The following APOB variants were observed in gnomAD, a reference collection of about 807,000 sequenced individuals.
APOB encodes apolipoprotein B-100.
APOB carries 153 observed loss-of-function variants against 314.1 expected under a neutral mutation model. That is an observed-to-expected ratio of 0.49 (90% CI 0.43 to 0.56). The LOEUF is 0.56. APOB is among the 20% of genes least tolerant of loss of function. The probability of loss-of-function intolerance (pLI) is 0.00; values close to 1 mark genes in which losing one functional copy is unlikely to be tolerated. For synonymous variants in APOB, 2,087 were observed against 2,036.4 expected (o/e 1.02, Z -0.67); for missense variants, 5,430 against 5,350.7 (o/e 1.01, Z -0.46).
At chr2:21,034,019 G>A (rs1340748757) in intron 8 of APOB, among the ~76,000 whole-genome samples, 1 of 152,214 alleles carries the variant, frequency 6.6e-6, no homozygotes, top group African/African-American at 2.4e-5. Context: ...GTTACAACTG[G>A]GACCAGGCAC....
At position 21,010,664 on chromosome 2, in the gene APOB, G is replaced by C; in HGVS notation, c.6204C>G (p.Ser2068=). ...VKYDKNQDVH[S]INLPFFETLQ... ...AGGTCTCAAAAAATGGGAGGTTAATGGAGTGAACATCTTGGTTTTTATCAT... is the reference window on the plus strand; with the variant it reads ...AGGTCTCAAAAAATGGGAGGTTAATCGAGTGAACATCTTGGTTTTTATCAT... Residue 2068 remains serine (S), a synonymous_variant, in exon 26 of 29, where the codon TCC becomes TCG. Transcript: ENST00000233242. 1 of 1,614,050 alleles carries C rather than the reference G, an allele frequency of 6.2e-7. No individual in the cohort carries two copies. Among genetic ancestry groups the C allele is most frequent in the Non-Finnish European group, 8.5e-7 (1 of 1,179,998 alleles).
chr2:21,033,993 T>A (rs6719207), intron 8 of APOB, among the ~76,000 whole-genome samples: 5,608 of 152,252 alleles, frequency 0.037, 317 homozygotes, highest in African/African-American at 0.13. Context: ...GGTGAGGAGG[T>A]GCTACTGTTG....
intron 12 of APOB, 78 bp downstream of exon 12, chr2:21,029,561 T>C: frequency 6.7e-7 from 1 of 1,502,942 alleles, no homozygotes; most frequent in South Asian, 1.1e-5. Flanking sequence ...AGATGAAATC[T>C]AGAGTCTCAT....
At position 21,015,410 on chromosome 2, in the gene APOB, A is replaced by G. The variant is rs1663441630; in HGVS notation, c.3468T>C (p.Ala1156=). ...LLLQMDSSAT[A]YGSTVSKRVA... Reference sequence around the variant, plus strand: ...CCCTCTTGGAAACTGTGGAGCCATAAGCTGTAGCAGATGAGTCCATTTGGA... The same window carrying G: ...CCCTCTTGGAAACTGTGGAGCCATAGGCTGTAGCAGATGAGTCCATTTGGA... The change falls in exon 22 of 29, where the codon GCT becomes GCC. Residue 1156 remains alanine, a synonymous_variant. Transcript: ENST00000233242. The G allele has an allele frequency of 1.9e-6, 3 of 1,614,232 alleles. No individual in the cohort carries two copies. The East Asian group carries it at 6.7e-5, about 36-fold the overall frequency.
At position 21,043,882 on chromosome 2, in the gene APOB, GC is replaced by G; in HGVS notation, c.63del (p.Leu22TrpfsTer71). On this transcript the variant is annotated frameshift_variant, in exon 1 of 29. Coordinates refer to ENST00000233242, the MANE Select transcript of APOB (RefSeq NM_000384.3). LOFTEE classifies it high-confidence loss of function. Reference sequence around the variant, plus strand: ...CACTCACCGGCCCTGGCGCCCGCCAGCAGCAGCAGCAGCAGCGCAGGCAGCG... The same window carrying G: ...CACTCACCGGCCCTGGCGCCCGCCAGAGCAGCAGCAGCAGCGCAGGCAGCG... Reference protein sequence around the residue: ...LLALPALLLLLLAGARAEEEM... With the variant: ...LLALPALLLLXLAGARAEEEM... 7.9e-7 allele frequency: 1 copy of G among 1,263,328 alleles called. No homozygotes were observed. Among genetic ancestry groups the G allele is most frequent in the Non-Finnish European group, 1.0e-6 (1 of 957,228 alleles). The allele number at this position is 1,263,328 out of a possible 1,614,324, so 78.3% of individuals were successfully genotyped here. A position where few individuals can be genotyped will look rare whatever the true frequency, so the allele number is the denominator to read the frequency against.
chr2:21,043,109 T>G (rs1664173018), intron 2 of APOB, among the ~76,000 whole-genome samples: 1 of 150,218 alleles, frequency 6.7e-6, no homozygotes, highest in Non-Finnish European at 1.5e-5. Flanking sequence ...GCCAGTTCCT[T>G]TAACCCCCAG....
In APOB at chr2:21,005,781, A is replaced by G. The variant is rs370096275; in HGVS notation, c.11087T>C (p.Ile3696Thr). 41 of 1,613,904 alleles carry G rather than the reference A, an allele frequency of 2.5e-5. No individual in the cohort carries two copies. Among genetic ancestry groups the G allele is most frequent in the Non-Finnish European group, 3.2e-5 (38 of 1,179,980 alleles). The part of the protein sequence containing the change: ...DFLKLDVTTS[I>T]GRRQHLRVST... ...AACACGAAGATGCTGTCTCCTACCA[A>G]TGCTGGTGGTTACATCCAGCTTTAG... Residue 3696 changes from isoleucine (I) to threonine (T), a missense_variant, in exon 26 of 29, where the codon ATT becomes ACT. Physicochemically the swap from Ile to Thr is moderately conservative, Grantham distance 89. Around this residue, in one of 3 missense-constraint regions of APOB, gnomAD observed 3,281 missense variants for 3,171.0 expected, o/e 1.03. Transcript: ENST00000233242.
At position 21,011,355 on chromosome 2, in the gene APOB, T is replaced by G; in HGVS notation, c.5513A>C (p.His1838Pro). The part of the protein sequence containing the change: ...KGAYQNNEIK[H>P]IYAISSAALS... ...GGCAGCAGAAGAGATGGCATAGATG[T>G]GTTTTATTTCATTATTTTGGTAGGC... Residue 1838 changes from histidine (H) to proline (P), a missense_variant, in exon 26 of 29, where the codon CAC becomes CCC. Coordinates refer to ENST00000233242, the MANE Select transcript of APOB (RefSeq NM_000384.3). 2 of 1,614,182 alleles carry G rather than the reference T, an allele frequency of 1.2e-6. No individual in the cohort carries two copies. The highest frequency in any genetic ancestry group is 1.7e-6 in the Non-Finnish European group (2 of 1,180,024).
chr2:21,044,027 G>A lies in APOB; in HGVS notation c.-82C>T, dbSNP rs1255668789. ...TGGCTGGCTGGGCGGGCTCCTCAGC[G>A]GCAGCAACCGAGAAGGGCACTCAGC... On this transcript the variant is annotated 5_prime_UTR_variant, in exon 1 of 29. Transcript: ENST00000233242. 2 of 680,520 alleles carry A rather than the reference G, an allele frequency of 2.9e-6. No homozygotes were observed. The highest frequency in any genetic ancestry group is 4.0e-6 in the Non-Finnish European group (2 of 494,464). 42.2% of individuals were successfully genotyped at this position (680,520 alleles called of 1,614,324 possible). A position where few individuals can be genotyped will look rare whatever the true frequency, so the allele number is the denominator to read the frequency against.
rs1456143187 is a variant in APOB at position 21,016,793 on chromosome 2, G to A, written c.3122-144C>T. The A allele has an allele frequency of 8.9e-5, 61 of 682,956 alleles. No homozygotes were observed. In the East Asian group the frequency reaches 1.7e-3, roughly 19 times the overall value. The allele number at this position is 682,956 out of a possible 1,614,324, so 42.3% of individuals were successfully genotyped here. ...AGGTCAGGAGATCAAGACCATTCTG[G>A]CTAACATGGTGAAACCCCGTCTCTA... On this transcript the variant is annotated intron_variant, in intron 20 of 28. Coordinates refer to ENST00000233242, the MANE Select transcript of APOB (RefSeq NM_000384.3).
Position 21,019,886 on chromosome 2 carries a change from A to G in APOB, c.2836T>C (p.Ser946Pro), listed in dbSNP as rs1319116118. The change falls in exon 19 of 29, where the codon TCT becomes CCT. Residue 946 changes from serine to proline, a missense_variant. Ser to Pro is a moderately conservative substitution (Grantham distance 74, BLOSUM62 -1). Coordinates refer to ENST00000233242, the MANE Select transcript of APOB (RefSeq NM_000384.3). Reference protein sequence around the residue: ...LSGGNTLHLVSTTKTEVIPPL... With the variant: ...LSGGNTLHLVPTTKTEVIPPL... The stretch of plus-strand genomic sequence containing the variant: ...GGGATCACCTCCGTTTTGGTGGTAG[A>G]GACCAAATGTAATGTGTTGCTGGTG... 6.2e-7 allele frequency: 1 copy of G among 1,614,232 alleles called. No individual in the cohort carries two copies. Among genetic ancestry groups the G allele is most frequent in the Admixed American group, 1.7e-5 (1 of 60,030 alleles).
At chr2:21,025,942 A>C (rs1394355273) in intron 15 of APOB, among the ~76,000 whole-genome samples, 1 of 152,218 alleles carries the variant, frequency 6.6e-6, no homozygotes, top group Non-Finnish European at 1.5e-5. Context: ...TCAAAGTGGA[A>C]GTTTGGTCTC....
Position 21,037,152 on chromosome 2 carries a change from C to G in APOB, c.641G>C (p.Arg214Pro). The G allele has an allele frequency of 6.2e-7, 1 of 1,614,182 alleles. No homozygotes were observed. The highest frequency in any genetic ancestry group is 8.5e-7 in the Non-Finnish European group (1 of 1,180,040). ...STERDLGQCDRFKPIRTGISP... is the reference protein window; with the variant it reads ...STERDLGQCDPFKPIRTGISP... ...GATGCCTGTGCGGATGGGCTTGAAGCGATCACACTGCCCCAGGTCTCTTTC... is the reference window on the plus strand; with the variant it reads ...GATGCCTGTGCGGATGGGCTTGAAGGGATCACACTGCCCCAGGTCTCTTTC... The change falls in exon 6 of 29, where the codon CGC (arginine) becomes CCC (proline). Residue 214 changes from arginine to proline, a missense_variant. By Grantham distance (103) the Arg-to-Pro change is moderately radical. Transcript: ENST00000233242.
Position 21,004,626 on chromosome 2 carries a change from T to G in APOB, c.11838A>C (p.Lys3946Asn), listed in dbSNP as rs774219656. ...IEDGTLASKT[K>N]GTFAHRDFSA... The stretch of plus-strand genomic sequence containing the variant: ...TGAAGTCACGGTGTGCAAATGTTCC[T>G]TTAGTCTTAGAGGCTAACGTACCAT... The change falls in exon 27 of 29, where the codon AAA becomes AAC. Residue 3946 changes from lysine to asparagine, a missense_variant. By Grantham distance (94) the Lys-to-Asn change is moderately conservative (BLOSUM62 0). Around this residue, in one of 3 missense-constraint regions of APOB, gnomAD observed 3,281 missense variants for 3,171.0 expected, o/e 1.03. Coordinates refer to ENST00000233242, the MANE Select transcript of APOB (RefSeq NM_000384.3). 6.2e-7 allele frequency: 1 copy of G among 1,614,014 alleles called. No homozygotes were observed. The highest frequency in any genetic ancestry group is 1.1e-5 in the South Asian group (1 of 91,086).
chr2:21,043,408 A>G (rs887690235), intron 2 of APOB, 105 bp downstream of exon 2: 1 of 1,355,256 alleles, frequency 7.4e-7, no homozygotes, highest in Non-Finnish European at 1.0e-6. Context: ...AAGGCACACC[A>G]CGATGCCATC....
At chr2:21,003,591 T>C (rs1414470188) in intron 28 of APOB, among the ~76,000 whole-genome samples, 1 of 152,122 alleles carries the variant, frequency 6.6e-6, no homozygotes, top group Non-Finnish European at 1.5e-5. Context: ...ATTGTGACAC[T>C]TAAAATTAAA....
In APOB at chr2:21,002,724, G is replaced by A. The variant is rs377125320; in HGVS notation, c.12698C>T (p.Ser4233Leu). The change falls in exon 29 of 29, where the codon TCG becomes TTG. Residue 4233 changes from serine to leucine, a missense_variant. This residue lies in a region of APOB where 3,281 missense variants were observed against 3,171.0 expected (regional missense o/e 1.03). Coordinates refer to ENST00000233242, the MANE Select transcript of APOB (RefSeq NM_000384.3). ...EVGTVLSQVY[S>L]KVHNGSEILF... ...TATTTCTGAACCATTATGGACTTTC[G>A]AATATACCTGGGACAGTACCGTCCC... 47 of 1,613,070 alleles carry A rather than the reference G, an allele frequency of 2.9e-5. No individual in the cohort carries two copies. Among genetic ancestry groups the A allele is most frequent in the African/African-American group, 5.3e-5 (4 of 74,820 alleles).
chr2:21,037,030 A>T, intron 6 of APOB, 70 bp downstream of exon 6: 1 of 1,602,218 alleles, frequency 6.2e-7, no homozygotes, highest in Non-Finnish European at 8.5e-7. Flanking sequence ...CCACTAGCTC[A>T]AAAGTTCTGG....
intron 20 of APOB, 143 bp from the exon 21 acceptor site, chr2:21,016,792 G>A (rs1180281797): frequency 2.9e-6 from 2 of 683,254 alleles, no homozygotes; most frequent in Admixed American, 2.1e-5. Context: ...AGACCATTCT[G>A]GCTAACATGG....
Sources: gnomAD v4.1 joint callset for allele counts (sites outside exome capture counted in the v4.1 genomes callset) on GRCh38, gnomAD v4.1.1 for gene constraint, gnomAD v4.1.1 regional missense constraint, MANE v1.5 for transcripts, NCBI Gene and HGNC (gene_info 2026-07-23, HGNC 2026-07-21) for gene names.